The following AIG1 variants were observed in gnomAD, a reference collection of about 807,000 sequenced individuals.
The protein encoded by AIG1 is androgen induced 1.
A neutral mutation model predicts 31.4 loss-of-function variants in AIG1; 23 were observed. The ratio of observed to expected loss-of-function variants is 0.73; its 90% CI spans 0.53 to 1.04. AIG1 has a LOEUF of 1.04. Among genes scored for constraint, AIG1 ranks in the 50% least tolerant of loss-of-function variants. The pLI is 0.00. For synonymous variants in AIG1, 100 were observed against 110.5 expected (o/e 0.90, Z 0.60); for missense variants, 274 against 295.0 (o/e 0.93, Z 0.52).
chr6:143,162,501 G>A (rs886752094), intron 2 of AIG1, among the ~76,000 whole-genome samples: 1 of 152,192 alleles, frequency 6.6e-6, no homozygotes, highest in African/African-American at 2.4e-5. Flanking sequence ...CCAACATGAT[G>A]CCAAGATTCC....
At chr6:143,085,784 C>A (rs1378692308) in intron 1 of AIG1, among the ~76,000 whole-genome samples, 4 of 152,284 alleles carry the variant, frequency 2.6e-5, no homozygotes, top group Non-Finnish European at 5.9e-5. Context: ...TTACTGAATA[C>A]CCATTGTGGT....
downstream of AIG1, among the ~76,000 whole-genome samples, chr6:143,341,500 T>TCA (rs1777854550): frequency 6.6e-6 from 1 of 152,164 alleles, no homozygotes. Flanking sequence ...AAATGGGCCC[T>TCA]AATCCAATCT....
chr6:143,203,448 C>T (rs1193026762), intron 3 of AIG1, among the ~76,000 whole-genome samples: 1 of 152,184 alleles, frequency 6.6e-6, no homozygotes. Flanking sequence ...TGACTTTCCA[C>T]ATTAATTTCA....
At chr6:143,324,383 C>A (rs1471697994) in intron 4 of AIG1, among the ~76,000 whole-genome samples, 1 of 152,176 alleles carries the variant, frequency 6.6e-6, no homozygotes, top group Non-Finnish European at 1.5e-5. Flanking sequence ...CTATAATGAG[C>A]ATGAATTACT....
chr6:143,116,225 A>G (rs1781725941), intron 1 of AIG1, among the ~76,000 whole-genome samples: 1 of 152,110 alleles, frequency 6.6e-6, no homozygotes, highest in African/African-American at 2.4e-5. Flanking sequence ...GATGTTTAGA[A>G]TGTGGTGGGT....
chr6:143,206,621 A>C (rs532334516), intron 3 of AIG1, among the ~76,000 whole-genome samples: 1 of 152,324 alleles, frequency 6.6e-6, no homozygotes, highest in Admixed American at 6.5e-5. Flanking sequence ...ACAGAAAGTA[A>C]TAGTTCTTTT....
Position 143,329,718 on chromosome 6 carries a change from A to C in AIG1, c.516-3564A>C, listed in dbSNP as rs1047212444. On this transcript the variant is annotated intron_variant, in intron 4 of 5. Transcript: ENST00000357847. The surrounding 1 kb of genome is among the most constrained non-coding windows in gnomAD (Gnocchi z 4.9). ...TTTGTTTTATGACTCAAAAGCTAAGAATGGTTTTCACATTTTTAAATAGTT... is the reference window on the plus strand; with the variant it reads ...TTTGTTTTATGACTCAAAAGCTAAGCATGGTTTTCACATTTTTAAATAGTT... Among the ~76,000 whole-genome samples the C allele has an allele frequency of 6.6e-6, 1 of 152,232 alleles. No individual in the cohort carries two copies. Among genetic ancestry groups the C allele is most frequent in the Non-Finnish European group, 1.5e-5 (1 of 68,050 alleles).
At chr6:143,109,622 C>T (rs1426680563) in intron 1 of AIG1, among the ~76,000 whole-genome samples, 1 of 152,024 alleles carries the variant, frequency 6.6e-6, no homozygotes, top group Non-Finnish European at 1.5e-5. Context: ...TTGGATTTCT[C>T]TGATCACTAG....
intron 2 of AIG1, among the ~76,000 whole-genome samples, chr6:143,143,554 T>TATATATATATATATATAC (rs762393675): frequency 1.9e-5 from 2 of 103,976 alleles, no homozygotes; most frequent in East Asian, 3.4e-4. Flanking sequence ...TATATATATA[T>TATATATATATATATATAC]ACACACACAC....
intron 4 of AIG1, among the ~76,000 whole-genome samples, chr6:143,306,960 A>G (rs1157574523): frequency 6.6e-6 from 1 of 152,012 alleles, no homozygotes; most frequent in African/African-American, 2.4e-5. Flanking sequence ...TTCATCTTCC[A>G]TCACTGATAC....
intron 3 of AIG1, among the ~76,000 whole-genome samples, chr6:143,177,990 C>T (rs1393977603): frequency 6.6e-6 from 1 of 152,204 alleles, no homozygotes; most frequent in African/African-American, 2.4e-5. Flanking sequence ...TGGGCCTGGT[C>T]AGGCGGATCC....
At chr6:143,322,277 T>A (rs1776276162) in intron 4 of AIG1, among the ~76,000 whole-genome samples, 1 of 152,180 alleles carries the variant, frequency 6.6e-6, no homozygotes, top group South Asian at 2.1e-4. Context: ...ATATAAGCGA[T>A]GCCAGAGAGA....
chr6:143,252,174 C>A (rs1043835342), intron 3 of AIG1, among the ~76,000 whole-genome samples: 52 of 152,182 alleles, frequency 3.4e-4, no homozygotes, highest in African/African-American at 1.2e-3. Context: ...GGCTGGAGTG[C>A]AATGGCACGA....
At chr6:143,276,483 G>A (rs1172730964) in intron 3 of AIG1, among the ~76,000 whole-genome samples, 1 of 152,094 alleles carries the variant, frequency 6.6e-6, no homozygotes, top group Non-Finnish European at 1.5e-5. Context: ...TTTGACAGCC[G>A]GCAGGAACAG....
rs1307347492 is a variant in AIG1 at position 143,311,556 on chromosome 6, T to C, written c.516-21726T>C. Among the ~76,000 whole-genome samples, 5 of 151,804 alleles carry C rather than the reference T, an allele frequency of 3.3e-5. No individual in the cohort carries two copies. The East Asian group carries it at 9.7e-4, about 29-fold the overall frequency. ...ACAACATCAATAAGCTAAAGAAGAA[T>C]CATATGATCGTATTAAAAGATGCAC... On this transcript the variant is annotated intron_variant, in intron 4 of 5. Coordinates refer to ENST00000357847, the MANE Select transcript of AIG1 (RefSeq NM_016108.4).
Position 143,256,849 on chromosome 6 carries a change from T to C in AIG1, c.400-27261T>C, listed in dbSNP as rs1278609798. On this transcript the variant is annotated intron_variant, in intron 3 of 5. Transcript: ENST00000357847. This position sits in a 1 kb window ranked among gnomAD's most constrained non-coding sequence, Gnocchi z 4.6. The stretch of plus-strand genomic sequence containing the variant: ...GGAAGATACTTATTTTCTCTGACTC[T>C]TGTAAAAATGTCAGTAGGGTAAAAA... Among the ~76,000 whole-genome samples the C allele has an allele frequency of 6.6e-6, 1 of 152,222 alleles. No homozygotes were observed. Among genetic ancestry groups the C allele is most frequent in the Non-Finnish European group, 1.5e-5 (1 of 68,032 alleles).
At chr6:143,266,517 G>C (rs573446309) in intron 3 of AIG1, among the ~76,000 whole-genome samples, 1 of 152,194 alleles carries the variant, frequency 6.6e-6, no homozygotes, top group Admixed American at 6.5e-5. Flanking sequence ...AACTATGTGG[G>C]GTGTTGGATA....
intron 4 of AIG1, among the ~76,000 whole-genome samples, chr6:143,286,968 T>C (rs548128657): frequency 6.7e-5 from 10 of 148,590 alleles, no homozygotes; most frequent in African/African-American, 2.0e-4. Flanking sequence ...CCCAGCCCCG[T>C]TGCAGTCCTC....
intron 1 of AIG1, chr6:143,061,394 C>T: frequency 2.4e-6 from 1 of 424,730 alleles, no homozygotes; most frequent in African/African-American, 3.2e-5. Context: ...CGGGAAGAAT[C>T]TTCAACAAAA....
Sources: gnomAD v4.1 joint callset for allele counts (sites outside exome capture counted in the v4.1 genomes callset) on GRCh38, gnomAD v4.1.1 for gene constraint, Gnocchi (gnomAD v3.1) non-coding constraint, MANE v1.5 for transcripts, NCBI Gene and HGNC (gene_info 2026-07-23, HGNC 2026-07-21) for gene names.